The following FAM171A1 variants were observed in gnomAD, a reference collection of about 807,000 sequenced individuals.
FAM171A1 encodes the protein family with sequence similarity 171 member A1, also known as protein FAM171A1.
In FAM171A1, 23 loss-of-function variants were observed where a neutral mutation model predicts 74.9. The observed-to-expected ratio is 0.31, with a 90% CI of 0.22 to 0.44. The LOEUF is 0.44. FAM171A1 is among the 20% of genes least tolerant of loss of function. The probability of loss-of-function intolerance (pLI) is 1.00; values close to 1 mark genes in which losing one functional copy is unlikely to be tolerated. For synonymous variants in FAM171A1, 527 were observed against 505.7 expected, an observed-to-expected ratio of 1.04 and a Z score of -0.57; for missense variants, 1,162 against 1,159.2, an observed-to-expected ratio of 1.00 and a Z score of -0.03.
intron 3 of FAM171A1, among the ~76,000 whole-genome samples, chr10:15,271,759 C>A (rs909486928): frequency 1.3e-5 from 2 of 152,134 alleles, no homozygotes; most frequent in African/African-American, 2.4e-5. Context: ...AATTTTCAAC[C>A]CAGAATTTCA....
At chr10:15,296,366 T>A (rs1564635721) in intron 1 of FAM171A1, among the ~76,000 whole-genome samples, 1 of 152,176 alleles carries the variant, frequency 6.6e-6, no homozygotes, top group Non-Finnish European at 1.5e-5. Flanking sequence ...TCTCATAATA[T>A]ATCATATACT....
intron 1 of FAM171A1, among the ~76,000 whole-genome samples, chr10:15,319,943 T>C (rs921215080): frequency 3.9e-5 from 6 of 152,214 alleles, no homozygotes; most frequent in African/African-American, 9.6e-5. Flanking sequence ...AAAAATTAGA[T>C]TGACTTTTTA....
chr10:15,370,638 A>T lies in FAM171A1; in HGVS notation c.97+318T>A, dbSNP rs12251245. On this transcript the variant is annotated intron_variant, in intron 1 of 7. Coordinates refer to ENST00000378116, the MANE Select transcript of FAM171A1 (RefSeq NM_001010924.2). ...CAGAGCCGCGTGTCCGAGGCGCGGC[A>T]TAAAGGGGACCCCCGGGCGCATCCA... Among the ~76,000 whole-genome samples the T allele has an allele frequency of 4.6e-3, 697 of 151,804 alleles. 8 individuals are homozygous for T. Among genetic ancestry groups the T allele is most frequent in the African/African-American group, 0.016 (647 of 41,502 alleles).
chr10:15,249,256 T>G (rs974842247), intron 4 of FAM171A1, among the ~76,000 whole-genome samples: 1 of 151,988 alleles, frequency 6.6e-6, no homozygotes, highest in Admixed American at 6.6e-5. Context: ...ACTACCCTGA[T>G]GGATAATTTT....
chr10:15,289,954 G>A (rs564120273), intron 1 of FAM171A1, among the ~76,000 whole-genome samples: 1 of 152,334 alleles, frequency 6.6e-6, no homozygotes, highest in African/African-American at 2.4e-5. Flanking sequence ...AAAAAGGAAG[G>A]CCATGTGGCT....
intron 1 of FAM171A1, among the ~76,000 whole-genome samples, chr10:15,299,002 C>A (rs571461871): frequency 2.2e-4 from 33 of 152,278 alleles, no homozygotes; most frequent in African/African-American, 7.7e-4. Context: ...CTCACTGCAA[C>A]CTCTACCTCC....
chr10:15,313,356 T>C (rs1835385892), intron 1 of FAM171A1, among the ~76,000 whole-genome samples: 2 of 152,244 alleles, frequency 1.3e-5, no homozygotes, highest in South Asian at 4.1e-4. Flanking sequence ...TGTGTGGTTC[T>C]GGATATTAGA....
At chr10:15,280,007 A>C (rs1410039892) in intron 2 of FAM171A1, among the ~76,000 whole-genome samples, 1 of 152,202 alleles carries the variant, frequency 6.6e-6, no homozygotes, top group Non-Finnish European at 1.5e-5. Flanking sequence ...GAATTGCTTG[A>C]ACCTTGGAGG....
At chr10:15,242,780 G>GACTCC in intron 5 of FAM171A1, among the ~76,000 whole-genome samples, 1 of 151,984 alleles carries the variant, frequency 6.6e-6, no homozygotes, top group East Asian at 1.9e-4. Flanking sequence ...GACAGTGCAG[G>GACTCC]ACTCCGTCTC....
chr10:15,352,557 T>A (rs747366947), intron 1 of FAM171A1, among the ~76,000 whole-genome samples: 10 of 152,196 alleles, frequency 6.6e-5, no homozygotes, highest in Non-Finnish European at 1.5e-4. Context: ...CAGATTTCCA[T>A]CAAGACGCAG....
At chr10:15,360,091 C>G (rs971370785) in intron 1 of FAM171A1, among the ~76,000 whole-genome samples, 1 of 152,192 alleles carries the variant, frequency 6.6e-6, no homozygotes, top group African/African-American at 2.4e-5. Flanking sequence ...ACCACCATGC[C>G]TGGCTAATTT....
intron 1 of FAM171A1, among the ~76,000 whole-genome samples, chr10:15,351,598 T>C (rs1156575502): frequency 6.6e-6 from 1 of 150,922 alleles, no homozygotes; most frequent in East Asian, 1.9e-4. Context: ...GATGGATGCA[T>C]GGATGGATGG....
At chr10:15,340,288 T>C (rs1463092626) in intron 1 of FAM171A1, among the ~76,000 whole-genome samples, 1 of 152,172 alleles carries the variant, frequency 6.6e-6, no homozygotes, top group Admixed American at 6.5e-5. Context: ...TTGTTGTTGC[T>C]TGTACATGTG....
At chr10:15,245,422 T>C (rs1184468758) in intron 5 of FAM171A1, among the ~76,000 whole-genome samples, 2 of 152,200 alleles carry the variant, frequency 1.3e-5, no homozygotes, top group Admixed American at 1.3e-4. Context: ...GAGGGCCTCA[T>C]CTCATCAGCC....
intron 1 of FAM171A1, among the ~76,000 whole-genome samples, chr10:15,349,259 A>C (rs1171043267): frequency 3.3e-5 from 5 of 152,208 alleles, no homozygotes; most frequent in Non-Finnish European, 7.3e-5. Context: ...TTCTACAACA[A>C]GGCTAAGTGC....
At chr10:15,298,899 T>C (rs1835193609) in intron 1 of FAM171A1, among the ~76,000 whole-genome samples, 1 of 152,056 alleles carries the variant, frequency 6.6e-6, no homozygotes, top group African/African-American at 2.4e-5. Flanking sequence ...CACCCCAACA[T>C]GCTTCTGTTT....
At chr10:15,267,719 A>G (rs552247586) in intron 3 of FAM171A1, among the ~76,000 whole-genome samples, 10 of 151,364 alleles carry the variant, frequency 6.6e-5, no homozygotes, top group Admixed American at 5.9e-4. Context: ...GTCCTGGAGG[A>G]ACCCTGTAGA....
intron 5 of FAM171A1, among the ~76,000 whole-genome samples, chr10:15,237,240 G>A (rs1017823478): frequency 6.6e-6 from 1 of 152,028 alleles, no homozygotes; most frequent in Non-Finnish European, 1.5e-5. Flanking sequence ...ATACCAAGAC[G>A]GGAAATTCTA....
chr10:15,217,589 T>C (rs1391835914), intron 6 of FAM171A1, among the ~76,000 whole-genome samples: 3 of 152,072 alleles, frequency 2.0e-5, no homozygotes, highest in Non-Finnish European at 4.4e-5. Context: ...TTTACAAAAA[T>C]TGGAAAAATA....
Sources: gnomAD v4.1 joint callset for allele counts (sites outside exome capture counted in the v4.1 genomes callset) on GRCh38, gnomAD v4.1.1 for gene constraint, MANE v1.5 for transcripts, NCBI Gene and HGNC (gene_info 2026-07-23, HGNC 2026-07-21) for gene names.